The following FGF7 variants were observed in gnomAD, a reference collection of about 807,000 sequenced individuals.
The protein encoded by FGF7 is fibroblast growth factor 7, also known as FGF-7.
A neutral mutation model predicts 20.5 loss-of-function variants in FGF7; 6 were observed. The observed-to-expected ratio is 0.29, with a 90% CI of 0.16 to 0.58. The LOEUF (loss-of-function observed/expected upper bound fraction) is 0.58. FGF7 is among the 20% of genes least tolerant of loss of function. FGF7 has a pLI of 0.90. For synonymous variants in FGF7, 64 were observed against 74.7 expected, an observed-to-expected ratio of 0.86 and a Z score of 0.74; for missense variants, 144 against 228.8, an observed-to-expected ratio of 0.63 and a Z score of 2.39.
intron 2 of FGF7, among the ~76,000 whole-genome samples, chr15:49,477,047 G>A (rs1326210215): frequency 1.4e-5 from 2 of 144,340 alleles, no homozygotes; most frequent in East Asian, 2.1e-4. Flanking sequence ...GCGACAAAGC[G>A]AGACTCTGTC....
chr15:49,431,415 G>C (rs2050607394), intron 2 of FGF7, among the ~76,000 whole-genome samples: 1 of 151,776 alleles, frequency 6.6e-6, no homozygotes, highest in East Asian at 1.9e-4. Flanking sequence ...TGTATGAAAG[G>C]GTTTGTGTAG....
intron 2 of FGF7, among the ~76,000 whole-genome samples, chr15:49,474,874 T>C (rs2055106730): frequency 6.6e-6 from 1 of 152,192 alleles, no homozygotes; most frequent in African/African-American, 2.4e-5. Flanking sequence ...AGTTTCATCC[T>C]GAACCTCCCC....
chr15:49,463,476 G>A (rs149702691), intron 2 of FGF7, among the ~76,000 whole-genome samples: 4,057 of 150,806 alleles, frequency 0.027, 128 homozygotes, highest in Non-Finnish European at 0.033. Flanking sequence ...ACTGGAACCC[G>A]GAAGGCAGAG....
chr15:49,453,480 C>G (rs12903654), intron 2 of FGF7, among the ~76,000 whole-genome samples: 7,427 of 152,140 alleles, frequency 0.049, 299 homozygotes, highest in East Asian at 0.16. Flanking sequence ...GCATGTTTTT[C>G]CTTTACAACA....
Position 49,476,224 on chromosome 15 carries a change from TG to T in FGF7, c.287-6926del, listed in dbSNP as rs1326083488. Among the ~76,000 whole-genome samples the T allele has an allele frequency of 3.7e-3, 424 of 113,418 alleles. 35 individuals carry two copies. The highest frequency in any genetic ancestry group is 5.0e-3 in the Non-Finnish European group (269 of 53,382). 74.4% of individuals were successfully genotyped at this position (113,418 alleles called of 152,430 possible). ...TATTTATTTTGCTGTTTTGTTTTTT[TG>T]TTTTTGGTTTTTTTTTTTTTGCATT... On this transcript the variant is annotated intron_variant, in intron 2 of 3. Coordinates refer to ENST00000267843, the MANE Select transcript of FGF7 (RefSeq NM_002009.4).
In FGF7 at chr15:49,468,891, C is replaced by T. The variant is rs1186523935; in HGVS notation, c.287-14260C>T. ...GAACAAGTTTATTTCAACTTCAGTGCTCATAATTTGGGCTTTTTCTATTTC... is the reference window on the plus strand; with the variant it reads ...GAACAAGTTTATTTCAACTTCAGTGTTCATAATTTGGGCTTTTTCTATTTC... On this transcript the variant is annotated intron_variant, in intron 2 of 3. Coordinates refer to ENST00000267843, the MANE Select transcript of FGF7 (RefSeq NM_002009.4). 2.6e-5 allele frequency among the ~76,000 whole-genome samples: 4 copies of T among 152,072 alleles called. No homozygotes were observed. In the South Asian group the frequency reaches 6.2e-4, roughly 24 times the overall value.
At chr15:49,482,742 G>A (rs2056062688) in intron 2 of FGF7, among the ~76,000 whole-genome samples, 1 of 152,040 alleles carries the variant, frequency 6.6e-6, no homozygotes, top group Non-Finnish European at 1.5e-5. Context: ...GGGATAACAA[G>A]ACTACCTGTC....
chr15:49,463,028 T>C (rs2053941931), intron 2 of FGF7, among the ~76,000 whole-genome samples: 2 of 152,214 alleles, frequency 1.3e-5, no homozygotes, highest in Admixed American at 6.5e-5. Flanking sequence ...TCACTCAAAA[T>C]AGATTCAGGA....
rs966475354 is a variant in FGF7, at chr15:49,481,000, T to G, written c.287-2151T>G. Among the ~76,000 whole-genome samples, 10 of 152,186 alleles carry G rather than the reference T, an allele frequency of 6.6e-5. 1 individual carries two copies. The highest frequency in any genetic ancestry group is 1.5e-4 in the Non-Finnish European group (10 of 68,018). On this transcript the variant is annotated intron_variant, in intron 2 of 3. Transcript: ENST00000267843. ...AGCCAGCAAACATTACAGATTCCAG[T>G]CCCTAATAACTGATCATGAAAGACA...
chr15:49,437,164 C>T (rs1282477118), intron 2 of FGF7, among the ~76,000 whole-genome samples: 3 of 151,460 alleles, frequency 2.0e-5, no homozygotes, highest in African/African-American at 7.3e-5. Context: ...CCAGACACTA[C>T]ATATATTATA....
chr15:49,444,091 C>A (rs1297030202), intron 2 of FGF7, among the ~76,000 whole-genome samples: 1 of 151,612 alleles, frequency 6.6e-6, no homozygotes, highest in Non-Finnish European at 1.5e-5. Flanking sequence ...TTATAAGGAT[C>A]TTACGGCAGT....
intron 2 of FGF7, among the ~76,000 whole-genome samples, chr15:49,474,231 T>C (rs1265845002): frequency 6.6e-6 from 1 of 152,158 alleles, no homozygotes; most frequent in Non-Finnish European, 1.5e-5. Flanking sequence ...TACTTATTTT[T>C]AGTAAATAAT....
intron 2 of FGF7, among the ~76,000 whole-genome samples, chr15:49,462,840 GATAAATT>G (rs2151935241): frequency 1.3e-5 from 2 of 152,238 alleles, no homozygotes; most frequent in South Asian, 4.1e-4. Context: ...AAAGATTATT[GATAAATT>G]ATAAACGATA....
Position 49,484,743 on chromosome 15 carries a change from T to C in FGF7, c.*239T>C, listed in dbSNP as rs955684090. ...TTTAGTAACTAAAGGTTGTAAAAAA[T>C]TGTAAAACTGGTTGTACAATCATGA... is the stretch of plus-strand genomic sequence containing the variant. On this transcript the variant is annotated 3_prime_UTR_variant, in exon 4 of 4. Coordinates refer to ENST00000267843, the MANE Select transcript of FGF7 (RefSeq NM_002009.4). 5.8e-6 allele frequency: 2 copies of C among 347,320 alleles called. No individual in the cohort carries two copies. Among genetic ancestry groups the C allele is most frequent in the African/African-American group, 4.2e-5 (2 of 47,352 alleles). 21.5% of individuals were successfully genotyped at this position (347,320 alleles called of 1,614,324 possible).
intron 2 of FGF7, among the ~76,000 whole-genome samples, chr15:49,448,045 T>C (rs1473141792): frequency 6.6e-6 from 1 of 151,700 alleles, no homozygotes; most frequent in Non-Finnish European, 1.5e-5. Flanking sequence ...CGAGAGCATA[T>C]ACAGATTTAT....
chr15:49,454,596 T>A (rs2053092668), intron 2 of FGF7, among the ~76,000 whole-genome samples: 1 of 152,086 alleles, frequency 6.6e-6, no homozygotes, highest in Non-Finnish European at 1.5e-5. Flanking sequence ...AATTATACTC[T>A]TTATTTATTT....
chr15:49,465,585 A>T (rs1228536500), intron 2 of FGF7, among the ~76,000 whole-genome samples: 1 of 132,966 alleles, frequency 7.5e-6, no homozygotes, highest in Admixed American at 7.9e-5. Context: ...ATTTAGCCAA[A>T]ACCAAAAAAG....
Position 49,484,844 on chromosome 15 carries a change from T to G in FGF7, c.*340T>G, listed in dbSNP as rs1191116810. On this transcript the variant is annotated 3_prime_UTR_variant, in exon 4 of 4. Transcript: ENST00000267843. ...TTAGATTTGATTATCTGATAATGAT[T>G]ATTTAAATATTCCTATCTGCTTATA... 1 of 169,554 alleles carries G rather than the reference T, an allele frequency of 5.9e-6. No homozygotes were observed. Among genetic ancestry groups the G allele is most frequent in the Non-Finnish European group, 1.3e-5 (1 of 79,714 alleles). 10.5% of individuals were successfully genotyped at this position (169,554 alleles called of 1,614,324 possible). A position where few individuals can be genotyped will look rare whatever the true frequency, so the allele number is the denominator to read the frequency against.
intron 2 of FGF7, among the ~76,000 whole-genome samples, chr15:49,475,467 A>G (rs1300749655): frequency 6.6e-6 from 1 of 152,176 alleles, no homozygotes; most frequent in Admixed American, 6.5e-5. Context: ...CAGAGATGGG[A>G]GCCTGTGAAA....
Sources: gnomAD v4.1 joint callset for allele counts (sites outside exome capture counted in the v4.1 genomes callset) on GRCh38, gnomAD v4.1.1 for gene constraint, MANE v1.5 for transcripts, NCBI Gene and HGNC (gene_info 2026-07-23, HGNC 2026-07-21) for gene names.